Variants in ANO6 observed in about 807,000 individuals in gnomAD.
ANO6 encodes anoctamin 6.
ANO6 carries 106 observed loss-of-function variants against 117.5 expected under a neutral mutation model. That is an observed-to-expected ratio of 0.90 (90% CI 0.77 to 1.06). The LOEUF is 1.06. Ranked by LOEUF, ANO6 falls within the 50% of genes least tolerant of loss-of-function variation. ANO6 has a pLI of 0.00. For synonymous variants in ANO6, 367 were observed against 385.1 expected, an observed-to-expected ratio of 0.95 and a Z score of 0.55; for missense variants, 955 against 1,121.1, an observed-to-expected ratio of 0.85 and a Z score of 2.12.
At chr12:45,293,567 ATATTT>A (rs1592926685) in intron 1 of ANO6, among the ~76,000 whole-genome samples, 2 of 151,374 alleles carry the variant, frequency 1.3e-5, no homozygotes, top group African/African-American at 4.8e-5. Context: ...GTATTATATT[ATATTT>A]TATTTTTTTG....
intron 2 of ANO6, among the ~76,000 whole-genome samples, chr12:45,324,023 C>T (rs1188675058): frequency 6.6e-6 from 1 of 150,728 alleles, no homozygotes; most frequent in Admixed American, 6.6e-5. Flanking sequence ...CTGCAACCTC[C>T]GCCTCCCAGG....
intron 17 of ANO6, among the ~76,000 whole-genome samples, chr12:45,417,319 C>G (rs147541717): frequency 6.6e-6 from 1 of 152,078 alleles, no homozygotes; most frequent in African/African-American, 2.4e-5. Context: ...CTACATATTC[C>G]AAAGCATCAC....
At chr12:45,363,462 G>A (rs1365293328) in intron 8 of ANO6, among the ~76,000 whole-genome samples, 1 of 151,950 alleles carries the variant, frequency 6.6e-6, no homozygotes, top group Non-Finnish European at 1.5e-5. Context: ...TACTTGGGAG[G>A]CTGAGGCAGG....
intron 16 of ANO6, among the ~76,000 whole-genome samples, chr12:45,413,846 G>T (rs1399209059): frequency 6.6e-6 from 1 of 152,208 alleles, no homozygotes; most frequent in African/African-American, 2.4e-5. Flanking sequence ...CAGTGCTATA[G>T]CTAGGTAGGG....
rs900005072 is a variant in ANO6 at position 45,351,525 on chromosome 12, T to C, written c.863+751T>C. Among the ~76,000 whole-genome samples, 2 of 152,020 alleles carry C rather than the reference T, an allele frequency of 1.3e-5. 1 individual carries two copies. Among genetic ancestry groups the C allele is most frequent in the Admixed American group, 1.3e-4 (2 of 15,260 alleles). ...GAAAATAAATAAACAGAATTTCTAA[T>C]GGAAGTGAAGAAAATAACAGAGCAA... On this transcript the variant is annotated intron_variant, in intron 7 of 19. Coordinates refer to ENST00000320560, the MANE Select transcript of ANO6 (RefSeq NM_001025356.3).
chr12:45,229,392 T>TA (rs1176040863), intron 1 of ANO6, among the ~76,000 whole-genome samples: 5 of 143,548 alleles, frequency 3.5e-5, no homozygotes, highest in Non-Finnish European at 7.6e-5. Flanking sequence ...TATTTTTAGT[T>TA]TTTTTTTTTT....
chr12:45,329,242 G>A (rs1221514864), intron 2 of ANO6, among the ~76,000 whole-genome samples: 2 of 152,068 alleles, frequency 1.3e-5, no homozygotes, highest in African/African-American at 4.8e-5. Flanking sequence ...TTCTTTCCAG[G>A]CTAGTGATAT....
intron 9 of ANO6, among the ~76,000 whole-genome samples, chr12:45,371,650 C>T (rs1941840582): frequency 6.6e-6 from 1 of 151,940 alleles, no homozygotes. Flanking sequence ...AGCTGAGGGT[C>T]CTGTCTGTTA....
rs1382216364 is a variant in ANO6 at position 45,388,184 on chromosome 12, AAGCGACGCCAGGC to A, written c.1192_1204del (p.Arg398AsnfsTer28). On this transcript the variant is annotated frameshift_variant, in exon 11 of 20. Transcript: ENST00000320560. LOFTEE classifies it high-confidence loss of function. ...AGTTACCTTGTTTTTGGAGTTTTGGAAGCGACGCCAGGCAGAACTTGAGTATGAATGGGATACT... is the reference window on the plus strand; with the variant it reads ...AGTTACCTTGTTTTTGGAGTTTTGGAAGAACTTGAGTATGAATGGGATACT... 7 of 1,613,952 alleles carry A rather than the reference AAGCGACGCCAGGC, an allele frequency of 4.3e-6. No individual in the cohort carries two copies. Among genetic ancestry groups the A allele is most frequent in the Non-Finnish European group, 5.9e-6 (7 of 1,179,880 alleles).
intron 2 of ANO6, among the ~76,000 whole-genome samples, chr12:45,304,485 A>G (rs763120503): frequency 2.0e-5 from 3 of 152,204 alleles, no homozygotes; most frequent in Non-Finnish European, 4.4e-5. Context: ...AAGGAGGTGA[A>G]AAATCAATAT....
chr12:45,428,925 A>T (rs1943569387), intron 19 of ANO6, among the ~76,000 whole-genome samples, 180 bp from the exon 20 acceptor site: 7 of 152,232 alleles, frequency 4.6e-5, no homozygotes, highest in Admixed American at 4.6e-4. Flanking sequence ...TGTGTAAAGT[A>T]ACAGTAACTG....
chr12:45,433,097 G>A (rs568267767), downstream of ANO6, among the ~76,000 whole-genome samples: 84 of 152,224 alleles, frequency 5.5e-4, no homozygotes, highest in African/African-American at 1.8e-3. Flanking sequence ...TTTTGGTCCC[G>A]GCTTATACCT....
At chr12:45,366,655 C>G (rs1037190245) in intron 8 of ANO6, among the ~76,000 whole-genome samples, 1 of 152,088 alleles carries the variant, frequency 6.6e-6, no homozygotes, top group Admixed American at 6.6e-5. Context: ...CTGTTCTGAG[C>G]CTTTGCTTTT....
rs543938199 is a variant in ANO6 at position 45,380,701 on chromosome 12, T to C, written c.1165+2588T>C. 2.0e-5 allele frequency among the ~76,000 whole-genome samples: 3 copies of C among 152,274 alleles called. No individual in the cohort carries two copies. The East Asian group carries it at 5.8e-4, about 29-fold the overall frequency. On this transcript the variant is annotated intron_variant, in intron 10 of 19. Transcript: ENST00000320560. ...GGAGGTTGGAATAAACGGCTGGGTG[T>C]GGTGGCTCACGCCTGCAATCCCAGC...
chr12:45,237,581 A>C (rs950148861), intron 1 of ANO6, among the ~76,000 whole-genome samples: 1 of 152,068 alleles, frequency 6.6e-6, no homozygotes, highest in Non-Finnish European at 1.5e-5. Context: ...CCATTGGTCT[A>C]TATCTCTGTT....
chr12:45,314,887 C>T (rs1397823912), intron 2 of ANO6, among the ~76,000 whole-genome samples: 1 of 152,054 alleles, frequency 6.6e-6, no homozygotes, highest in African/African-American at 2.4e-5. Context: ...CTAACTATCA[C>T]AGTGGATGTA....
At chr12:45,380,623 A>T (rs1942145010) in intron 10 of ANO6, among the ~76,000 whole-genome samples, 1 of 152,186 alleles carries the variant, frequency 6.6e-6, no homozygotes, top group South Asian at 2.1e-4. Flanking sequence ...GAGGCATTTT[A>T]AAAAATCAGA....
chr12:45,217,973 C>T (rs3759079), intron 1 of ANO6, among the ~76,000 whole-genome samples: 2,209 of 152,216 alleles, frequency 0.015, 45 homozygotes, highest in East Asian at 0.068. Flanking sequence ...CAGTAGATCT[C>T]AGTTTAGAAA....
intron 1 of ANO6, among the ~76,000 whole-genome samples, chr12:45,219,466 G>C (rs1412277773): frequency 6.6e-6 from 1 of 151,366 alleles, no homozygotes; most frequent in South Asian, 2.1e-4. Context: ...CTCTTGAGTA[G>C]CTGGGACCAC....
Sources: allele counts gnomAD v4.1 joint callset (sites outside exome capture counted in the v4.1 genomes callset), GRCh38; gene constraint gnomAD v4.1.1; transcripts MANE v1.5; gene names NCBI Gene and HGNC (gene_info 2026-07-23, HGNC 2026-07-21).